Variants in CTNNA2 observed in about 807,000 individuals in gnomAD.
CTNNA2 encodes catenin alpha 2.
In CTNNA2, 42 loss-of-function variants were observed where a neutral mutation model predicts 101.0. That is an observed-to-expected ratio of 0.42 (90% confidence interval 0.32 to 0.54). The LOEUF (loss-of-function observed/expected upper bound fraction) is 0.54, where lower values mean the gene tolerates loss of function less well. Among genes scored for constraint, CTNNA2 ranks in the 20% least tolerant of loss-of-function variants. The pLI is 0.14. For synonymous variants in CTNNA2, 450 were observed against 456.4 expected, an observed-to-expected ratio of 0.99 and a Z score of 0.18; for missense variants, 871 against 1,223.1, an observed-to-expected ratio of 0.71 and a Z score of 4.29.
intron 3 of CTNNA2, among the ~76,000 whole-genome samples, chr2:79,358,823 A>G (rs1288670648): frequency 2.0e-5 from 3 of 152,218 alleles, no homozygotes; most frequent in Admixed American, 6.5e-5. Context: ...ATTTAGTGGC[A>G]GAGCCAGGAA....
At chr2:80,575,121 C>T in intron 13 of CTNNA2, 1 of 152,170 alleles carries the variant, frequency 6.6e-6, no homozygotes, top group Middle Eastern at 3.4e-3. Flanking sequence ...TATTTATTAG[C>T]CACATAATAA....
intron 7 of CTNNA2, among the ~76,000 whole-genome samples, chr2:80,368,261 G>T (rs1281250466): frequency 6.6e-6 from 1 of 152,090 alleles, no homozygotes; most frequent in Non-Finnish European, 1.5e-5. Flanking sequence ...CAAGTTATGG[G>T]TTGCACTGAG....
At chr2:80,113,344 C>T (rs1701329001) in intron 7 of CTNNA2, among the ~76,000 whole-genome samples, 1 of 152,148 alleles carries the variant, frequency 6.6e-6, no homozygotes, top group Non-Finnish European at 1.5e-5. Context: ...TATTGACGTA[C>T]ATTGAGGACA....
At chr2:79,299,283 G>A (rs1676052096) in intron 2 of CTNNA2, among the ~76,000 whole-genome samples, 1 of 152,138 alleles carries the variant, frequency 6.6e-6, no homozygotes, top group Non-Finnish European at 1.5e-5. Context: ...TCTTCTGCAA[G>A]TGATGGAAGA....
At chr2:79,909,175 G>C (rs960130507) in intron 6 of CTNNA2, among the ~76,000 whole-genome samples, 7 of 143,092 alleles carry the variant, frequency 4.9e-5, no homozygotes, top group Non-Finnish European at 6.1e-5. Context: ...TAACGTGTGT[G>C]TATACAAGCC....
At chr2:79,187,175 G>A (rs547449615) in intron 1 of CTNNA2, among the ~76,000 whole-genome samples, 1 of 151,260 alleles carries the variant, frequency 6.6e-6, no homozygotes, top group South Asian at 2.1e-4. Flanking sequence ...CCTAGTAGAA[G>A]GATCAAAGAA....
At position 79,398,973 on chromosome 2, in the gene CTNNA2, AC is replaced by A. The variant is rs1678260927; in HGVS notation, c.-135+24961del. On this transcript the variant is annotated intron_variant, in intron 4 of 21. Transcript: ENST00000466387. ...GACCTTGAAAACCAACATTCTTGCA[AC>A]TATGGTAGACTATGAGCCATTGGAA... Among the ~76,000 whole-genome samples, 9 of 152,134 alleles carry A rather than the reference AC, an allele frequency of 5.9e-5. No homozygotes were observed. The South Asian group carries it at 1.9e-3, about 32-fold the overall frequency.
chr2:79,386,727 T>C (rs182690303), intron 4 of CTNNA2, among the ~76,000 whole-genome samples: 318 of 152,346 alleles, frequency 2.1e-3, no homozygotes, highest in Non-Finnish European at 3.5e-3. Flanking sequence ...CTCCCTTAAA[T>C]GTATTGTAAA....
At chr2:79,418,462 G>A (rs1678506725) in intron 4 of CTNNA2, among the ~76,000 whole-genome samples, 1 of 152,064 alleles carries the variant, frequency 6.6e-6, no homozygotes, top group Non-Finnish European at 1.5e-5. Flanking sequence ...GCAAGACAGG[G>A]ATTAGTTAAA....
intron 7 of CTNNA2, among the ~76,000 whole-genome samples, chr2:79,966,210 C>G (rs1690045885): frequency 1.3e-5 from 2 of 151,944 alleles, no homozygotes; most frequent in Non-Finnish European, 2.9e-5. Flanking sequence ...GTTCTCCTTG[C>G]TTCCGTCTTA....
intron 2 of CTNNA2, 78 bp from the exon 3 acceptor site, chr2:79,744,309 A>T: frequency 7.3e-7 from 1 of 1,364,720 alleles, no homozygotes; most frequent in African/African-American, 1.5e-5. Flanking sequence ...AAACACGGAG[A>T]TTTAGAAATT....
At chr2:79,848,798 G>A (rs964788191) in intron 3 of CTNNA2, among the ~76,000 whole-genome samples, 1 of 152,184 alleles carries the variant, frequency 6.6e-6, no homozygotes, top group Non-Finnish European at 1.5e-5. Context: ...GGACACATTT[G>A]GAGCTGCTCT....
At chr2:79,400,001 G>A (rs1010568190) in intron 4 of CTNNA2, among the ~76,000 whole-genome samples, 2 of 152,000 alleles carry the variant, frequency 1.3e-5, no homozygotes, top group African/African-American at 4.8e-5. Flanking sequence ...TGCCCAAAGT[G>A]GTTGGAGCAC....
At chr2:79,430,615 TA>T (rs1260446571) in intron 4 of CTNNA2, among the ~76,000 whole-genome samples, 1 of 152,202 alleles carries the variant, frequency 6.6e-6, no homozygotes, top group African/African-American at 2.4e-5. Flanking sequence ...CCTTTTTGCA[TA>T]TATTATTTTA....
intron 2 of CTNNA2, among the ~76,000 whole-genome samples, chr2:79,688,994 C>T (rs1344381048): frequency 6.6e-6 from 1 of 151,842 alleles, no homozygotes; most frequent in Non-Finnish European, 1.5e-5. Context: ...AGACTGGAAT[C>T]ATCTGGAGGG....
At chr2:80,393,423 A>G in intron 8 of CTNNA2, 132 bp downstream of exon 8, 1 of 646,878 alleles carries the variant, frequency 1.5e-6, no homozygotes, top group Admixed American at 3.2e-5. Flanking sequence ...ATACAAATAA[A>G]AACCCCATTT....
chr2:80,259,079 C>T (rs1009129397), intron 7 of CTNNA2, among the ~76,000 whole-genome samples: 4 of 152,028 alleles, frequency 2.6e-5, no homozygotes, highest in East Asian at 1.9e-4. Context: ...TTATGTTGTT[C>T]GTTCCAGGAG....
chr2:79,717,656 G>A (rs1227280773), intron 2 of CTNNA2, among the ~76,000 whole-genome samples: 1 of 152,172 alleles, frequency 6.6e-6, no homozygotes, highest in East Asian at 1.9e-4. Context: ...ACCACCACTG[G>A]TCACATGGTA....
intron 3 of CTNNA2, among the ~76,000 whole-genome samples, chr2:79,837,841 C>T (rs1679506166): frequency 6.6e-6 from 1 of 152,040 alleles, no homozygotes; most frequent in Non-Finnish European, 1.5e-5. Flanking sequence ...AATAACACAA[C>T]TCCAAAAGAT....
Sources: allele counts gnomAD v4.1 joint callset (sites outside exome capture counted in the v4.1 genomes callset), GRCh38; gene constraint gnomAD v4.1.1; transcripts MANE v1.5; gene names NCBI Gene and HGNC (gene_info 2026-07-23, HGNC 2026-07-21).